EPHB2: variants seen among roughly 807,000 people sequenced by gnomAD.
EPHB2 encodes ephrin type-B receptor 2.
A neutral mutation model predicts 96.4 loss-of-function variants in EPHB2; 18 were observed. The observed-to-expected ratio is 0.19, with a 90% CI of 0.13 to 0.28. The LOEUF is 0.28. Ranked by LOEUF, EPHB2 falls within the 10% of genes least tolerant of loss-of-function variation. The probability of loss-of-function intolerance (pLI) is 1.00; values close to 1 mark genes in which losing one functional copy is unlikely to be tolerated. For missense variants in EPHB2, 989 were observed against 1,355.4 expected (o/e 0.73, Z 4.25); for synonymous variants, 506 against 534.1 (o/e 0.95, Z 0.72).
intron 3 of EPHB2, among the ~76,000 whole-genome samples, chr1:22,797,224 C>T (rs1045154712): frequency 6.6e-6 from 1 of 152,186 alleles, no homozygotes; most frequent in East Asian, 1.9e-4. Context: ...CTCATGAACA[C>T]ATTGATATCA....
chr1:22,849,290 C>A (rs1468204487), intron 3 of EPHB2, among the ~76,000 whole-genome samples: 5 of 152,154 alleles, frequency 3.3e-5, no homozygotes, highest in South Asian at 2.1e-4. Flanking sequence ...CTAAAGTGAT[C>A]CCTCTGAGGA....
rs528645471 is a variant in EPHB2 at position 22,864,194 on chromosome 1, C to T, written c.968-683C>T. ...CCGAGTAACTGGGATTACAGGCATCCGCCATCATGCCCGGCTAATTTTTTG... is the reference window on the plus strand; with the variant it reads ...CCGAGTAACTGGGATTACAGGCATCTGCCATCATGCCCGGCTAATTTTTTG... On this transcript the variant is annotated intron_variant, in intron 4 of 15. Coordinates refer to ENST00000374630, the MANE Select transcript of EPHB2 (RefSeq NM_017449.5). Among the ~76,000 whole-genome samples the T allele has an allele frequency of 7.0e-4, 106 of 152,212 alleles. No homozygotes were observed. In the Middle Eastern group the frequency reaches 0.01, roughly 15 times the overall value.
chr1:22,711,134 A>G (rs1430460097), intron 1 of EPHB2, 91 bp downstream of exon 1: 1 of 144,610 alleles, frequency 6.9e-6, no homozygotes, highest in African/African-American at 2.5e-5. Flanking sequence ...CGCGGCCCGC[A>G]AAGTTTGCCC....
intron 1 of EPHB2, among the ~76,000 whole-genome samples, chr1:22,726,452 G>C (rs549075351): frequency 6.7e-6 from 1 of 148,822 alleles, no homozygotes; most frequent in East Asian, 2.0e-4. Flanking sequence ...ACGGAGTCTC[G>C]TTCTGTCACC....
chr1:22,896,322 G>C, intron 8 of EPHB2, 92 bp from the exon 9 acceptor site: 1 of 1,555,158 alleles, frequency 6.4e-7, no homozygotes, highest in East Asian at 2.3e-5. Context: ...GTGGCTTCTA[G>C]GGCCTGCCCA....
chr1:22,838,438 G>A (rs572170863), intron 3 of EPHB2, among the ~76,000 whole-genome samples: 53 of 152,316 alleles, frequency 3.5e-4, no homozygotes, highest in African/African-American at 1.1e-3. Context: ...CTGGGCATGC[G>A]CTTTTGCTTC....
intron 3 of EPHB2, among the ~76,000 whole-genome samples, chr1:22,821,550 G>A (rs979764655): frequency 7.2e-5 from 11 of 152,174 alleles, no homozygotes; most frequent in African/African-American, 2.2e-4. Context: ...AATCATGTTC[G>A]GAAGCCTGTC....
chr1:22,851,642 C>T lies in EPHB2; in HGVS notation c.812-11395C>T, dbSNP rs551200817. Among the ~76,000 whole-genome samples the T allele has an allele frequency of 3.1e-4, 47 of 151,930 alleles. No individual in the cohort carries two copies. The South Asian group carries it at 9.7e-3, about 31-fold the overall frequency. ...GTAGTCATAAAATAAGGAACTTAGC[C>T]CAGAAGATCGTGAAGATTCTGCTGA... On this transcript the variant is annotated intron_variant, in intron 3 of 15. Transcript: ENST00000374630.
chr1:22,910,840 A>G (rs1255427938), intron 14 of EPHB2, among the ~76,000 whole-genome samples: 2 of 152,238 alleles, frequency 1.3e-5, no homozygotes, highest in Non-Finnish European at 2.9e-5. Context: ...ACAATGAAGA[A>G]AAATTACCAA....
intron 1 of EPHB2, among the ~76,000 whole-genome samples, chr1:22,754,709 C>T (rs4655096): frequency 0.93 from 137,161 of 147,480 alleles, 64,560 homozygotes; most frequent in East Asian, 1. Flanking sequence ...CTCCCCTACA[C>T]GTGTCTGTGT....
At chr1:22,711,620 C>A (rs1387049702) in intron 1 of EPHB2, among the ~76,000 whole-genome samples, 3 of 151,908 alleles carry the variant, frequency 2.0e-5, no homozygotes, top group Non-Finnish European at 4.4e-5. Flanking sequence ...CCATCGCCCG[C>A]GGCGTACAAT....
chr1:22,908,970 G>A, intron 12 of EPHB2, 52 bp from the exon 13 acceptor site: 3 of 1,611,208 alleles, frequency 1.9e-6, no homozygotes, highest in Non-Finnish European at 2.5e-6. Flanking sequence ...TAAGAGAAGA[G>A]GTCAGACAGG....
At chr1:22,762,651 G>C (rs545058605) in intron 1 of EPHB2, among the ~76,000 whole-genome samples, 28 of 152,302 alleles carry the variant, frequency 1.8e-4, no homozygotes, top group African/African-American at 6.3e-4. Flanking sequence ...TGGAAATGAG[G>C]ATGATTTAGG....
rs111422315 is a variant in EPHB2, at chr1:22,913,641, T to C, written c.*71T>C. The C allele has an allele frequency of 2.8e-4, 443 of 1,603,680 alleles. 1 individual carries two copies. In the African/African-American group the frequency reaches 3.4e-3, roughly 12 times the overall value. On this transcript the variant is annotated 3_prime_UTR_variant, in exon 16 of 16. Coordinates refer to ENST00000374630, the MANE Select transcript of EPHB2 (RefSeq NM_017449.5). The surrounding 1 kb of genome is among the most constrained non-coding windows in gnomAD (Gnocchi z 4.1). ...CTGCCCCACGTGCCGGCCCTCCTGG[T>C]GCTCTATCCACTGCAGGGCCAGCCA...
intron 3 of EPHB2, among the ~76,000 whole-genome samples, chr1:22,848,322 AC>A (rs1027510633): frequency 6.6e-6 from 1 of 151,908 alleles, no homozygotes; most frequent in Non-Finnish European, 1.5e-5. Flanking sequence ...CTGGGACCTC[AC>A]CCCGATCCAC....
chr1:22,839,559 C>T (rs1324826727), intron 3 of EPHB2, among the ~76,000 whole-genome samples: 1 of 152,160 alleles, frequency 6.6e-6, no homozygotes, highest in Non-Finnish European at 1.5e-5. Context: ...AAGAGAACAA[C>T]CTGGCTATTC....
intron 3 of EPHB2, among the ~76,000 whole-genome samples, chr1:22,829,323 C>T (rs1447460839): frequency 1.3e-5 from 2 of 152,340 alleles, no homozygotes; most frequent in African/African-American, 2.4e-5. Context: ...GAGAGGCTCC[C>T]GGTCAGCGTC....
At chr1:22,842,395 T>C (rs1193739596) in intron 3 of EPHB2, among the ~76,000 whole-genome samples, 1 of 152,138 alleles carries the variant, frequency 6.6e-6, no homozygotes, top group Non-Finnish European at 1.5e-5. Flanking sequence ...AAGAACTTAC[T>C]TATGGGTCCC....
At chr1:22,774,735 C>A in intron 1 of EPHB2, 1 of 485,870 alleles carries the variant, frequency 2.1e-6, no homozygotes, top group Non-Finnish European at 2.7e-6. Flanking sequence ...GGCGATCACA[C>A]ATGGACTTTA....
Sources: allele counts gnomAD v4.1 joint callset (sites outside exome capture counted in the v4.1 genomes callset), GRCh38; gene constraint gnomAD v4.1.1; non-coding constraint Gnocchi (gnomAD v3.1); transcripts MANE v1.5; gene names NCBI Gene and HGNC (gene_info 2026-07-23, HGNC 2026-07-21).